Variants in ZEB2 observed in about 807,000 individuals in gnomAD.
ZEB2 encodes zinc finger E-box-binding homeobox 2.
A neutral mutation model predicts 99.9 loss-of-function variants in ZEB2; 6 were observed. The observed-to-expected ratio is 0.06, with a 90% CI of 0.03 to 0.12. ZEB2 has a LOEUF of 0.12. Among genes scored for constraint, ZEB2 ranks in the 10% least tolerant of loss-of-function variants. The pLI is 1.00. For synonymous variants in ZEB2, 517 were observed against 542.5 expected (o/e 0.95, Z 0.65); for missense variants, 969 against 1,502.8 (o/e 0.64, Z 5.87).
At chr2:144,444,486 C>A (rs1200416189) in intron 2 of ZEB2, among the ~76,000 whole-genome samples, 1 of 152,186 alleles carries the variant, frequency 6.6e-6, no homozygotes, top group Non-Finnish European at 1.5e-5. Flanking sequence ...CTGTGTGTCA[C>A]CAGCTGGGGG....
rs587780996 is a variant in ZEB2 at position 144,429,950 on chromosome 2, G to A, written c.150C>T (p.Asp50=). 25 of 1,613,690 alleles carry A rather than the reference G, an allele frequency of 1.5e-5. No homozygotes were observed. In the Middle Eastern group the frequency reaches 4.9e-4, roughly 32 times the overall value. ...EEDKLHIAED[D]GIANPLDQET... is the part of the protein sequence containing the mutation. The stretch of plus-strand genomic sequence containing the variant: ...CCTGGTCCAGAGGGTTGGCAATACC[G>A]TCATCCTCAGCAATATGAAGCTTGT... Residue 50 remains aspartate, a synonymous_variant, in exon 3 of 10, where the codon GAC becomes GAT. Coordinates refer to ENST00000627532, the MANE Select transcript of ZEB2 (RefSeq NM_014795.4).
At chr2:144,390,137 C>T in intron 9 of ZEB2, 109 bp from the exon 10 acceptor site, 1 of 1,142,994 alleles carries the variant, frequency 8.7e-7, no homozygotes, top group East Asian at 2.5e-5. Flanking sequence ...GTACTTATGC[C>T]TGAAAGATCA....
At chr2:144,472,496 C>T (rs955346022) in intron 2 of ZEB2, among the ~76,000 whole-genome samples, 4 of 151,994 alleles carry the variant, frequency 2.6e-5, no homozygotes, top group Non-Finnish European at 5.9e-5. Flanking sequence ...TAATAGCAAA[C>T]ATGTTAACAG....
intron 2 of ZEB2, among the ~76,000 whole-genome samples, chr2:144,478,141 C>T (rs988054563): frequency 1.3e-5 from 2 of 152,152 alleles, no homozygotes; most frequent in Non-Finnish European, 2.9e-5. Flanking sequence ...TGTAAAGCCA[C>T]TTTAAAAGCT....
Position 144,398,616 on chromosome 2 carries a change from A to C in ZEB2, c.2571T>G (p.Asp857Glu), listed in dbSNP as rs1463332216. 1 of 1,614,196 alleles carries C rather than the reference A, an allele frequency of 6.2e-7. No homozygotes were observed. The highest frequency in any genetic ancestry group is 2.2e-5 in the East Asian group (1 of 44,886). ...NSVSSSSENSDEPLNLTFIKK... is the reference protein window; with the variant it reads ...NSVSSSSENSEEPLNLTFIKK... ...TGATAAAAGTCAAGTTCAGAGGCTC[A>C]TCTGAGTTTTCAGATGAGGAAGAAA... Residue 857 changes from aspartate to glutamate, a missense_variant, in exon 8 of 10, where the codon GAT (aspartate) becomes GAG (glutamate). By Grantham distance (45) the Asp-to-Glu change is conservative. Coordinates refer to ENST00000627532, the MANE Select transcript of ZEB2 (RefSeq NM_014795.4).
chr2:144,404,935 C>T lies in ZEB2; in HGVS notation c.493G>A (p.Glu165Lys), dbSNP rs1314954470. 1.2e-6 allele frequency: 2 copies of T among 1,614,230 alleles called. No homozygotes were observed. Among genetic ancestry groups the T allele is most frequent in the Admixed American group, 1.7e-5 (1 of 60,024 alleles). ...GCTGTGTCACTGCGCTGAAGGTACT[C>T]CTCGATGCTGACTGCATGACCATCG... ...ERDGHAVSIE[E>K]YLQRSDTAII... is the part of the protein sequence containing the mutation. The change falls in exon 5 of 10, where the codon GAG (glutamate) becomes AAG (lysine). Residue 165 changes from glutamate (E) to lysine (K), a missense_variant. Glu to Lys is a moderately conservative substitution (Grantham distance 56). Transcript: ENST00000627532.
chr2:144,502,810 C>T lies in ZEB2; in HGVS notation c.73+14468G>A, dbSNP rs557910957. ...TTTTTAAGTCTCAATCTTAATTCTT[C>T]TGCTATCTCTTAAATAGGGCTCACT... On this transcript the variant is annotated intron_variant, in intron 2 of 9. Transcript: ENST00000627532. Among the ~76,000 whole-genome samples the T allele has an allele frequency of 1.4e-4, 22 of 151,872 alleles. No homozygotes were observed. In the South Asian group the frequency reaches 4.4e-3, roughly 30 times the overall value.
At chr2:144,441,046 C>G (rs1703909328) in intron 2 of ZEB2, among the ~76,000 whole-genome samples, 2 of 148,712 alleles carry the variant, frequency 1.3e-5, no homozygotes, top group South Asian at 4.3e-4. Context: ...TTGGAGCAAT[C>G]TAGTTTGCCG....
intron 2 of ZEB2, chr2:144,513,386 C>T: frequency 7.4e-7 from 1 of 1,350,968 alleles, no homozygotes; most frequent in East Asian, 4.2e-5. Flanking sequence ...GTAAAAAGCT[C>T]CCCTTCTCCT....
intron 4 of ZEB2, among the ~76,000 whole-genome samples, chr2:144,405,859 T>G (rs1332016864): frequency 6.6e-6 from 1 of 152,228 alleles, no homozygotes; most frequent in African/African-American, 2.4e-5. Flanking sequence ...TCATAAGATT[T>G]TGTATATTTG....
intron 4 of ZEB2, among the ~76,000 whole-genome samples, chr2:144,411,057 CTATATATATATATATATATATATATATA>C (rs4008310): frequency 0.022 from 892 of 40,800 alleles, 40 homozygotes; most frequent in Admixed American, 0.065. Flanking sequence ...ACAGACATGT[CTATATATATATATATATATATATATATA>C]TATATATATA....
intron 2 of ZEB2, chr2:144,513,237 G>A: frequency 7.8e-7 from 1 of 1,287,560 alleles, no homozygotes. Context: ...TAAGGAAGTG[G>A]TAAAGAGTGA....
intron 2 of ZEB2, among the ~76,000 whole-genome samples, chr2:144,459,196 T>C (rs1015491716): frequency 4.6e-5 from 7 of 152,152 alleles, no homozygotes; most frequent in African/African-American, 1.7e-4. Context: ...GAGGAAGCTG[T>C]GTTAAGAAAT....
chr2:144,410,201 G>A (rs1219319454), intron 4 of ZEB2, among the ~76,000 whole-genome samples: 2 of 152,022 alleles, frequency 1.3e-5, no homozygotes, highest in Admixed American at 6.6e-5. Flanking sequence ...GAGCCACCGC[G>A]CCCAGCCATA....
intron 2 of ZEB2, among the ~76,000 whole-genome samples, chr2:144,510,584 G>T (rs1327726273): frequency 6.6e-6 from 1 of 152,134 alleles, no homozygotes; most frequent in Non-Finnish European, 1.5e-5. Flanking sequence ...TGTCAGGAGG[G>T]ACAGGGCCTG....
At chr2:144,509,539 G>A (rs894068651) in intron 2 of ZEB2, among the ~76,000 whole-genome samples, 1 of 152,102 alleles carries the variant, frequency 6.6e-6, no homozygotes, top group African/African-American at 2.4e-5. Flanking sequence ...TATTGGAAAA[G>A]CCCCCGTTTC....
At chr2:144,391,294 G>T (rs2149873296) in intron 9 of ZEB2, among the ~76,000 whole-genome samples, 1 of 152,290 alleles carries the variant, frequency 6.6e-6, no homozygotes, top group African/African-American at 2.4e-5. Flanking sequence ...TATTTAACTG[G>T]AATGTCCACT....
intron 9 of ZEB2, among the ~76,000 whole-genome samples, chr2:144,395,530 T>A (rs1373183761): frequency 6.6e-6 from 1 of 152,056 alleles, no homozygotes; most frequent in Non-Finnish European, 1.5e-5. Context: ...CCAGGGCTAA[T>A]AGAGCATGCC....
At chr2:144,420,321 C>G (rs1703602731) in intron 4 of ZEB2, among the ~76,000 whole-genome samples, 1 of 152,154 alleles carries the variant, frequency 6.6e-6, no homozygotes, top group Non-Finnish European at 1.5e-5. Flanking sequence ...CCTCCAACTC[C>G]TGGACTGAAG....
Sources: allele counts gnomAD v4.1 joint callset (sites outside exome capture counted in the v4.1 genomes callset), GRCh38; gene constraint gnomAD v4.1.1; transcripts MANE v1.5; gene names NCBI Gene and HGNC (gene_info 2026-07-23, HGNC 2026-07-21).